PVT1: variants seen among roughly 807,000 people sequenced by gnomAD.
The protein encoded by PVT1 is CXCR4/PVT1 fusion.
chr8:127,984,893 CTTTCTTTCTTTCTTTCTTTCTT>C lies in PVT1; in HGVS notation n.783-4267_783-4246del, dbSNP rs1487505012. Among the ~76,000 whole-genome samples the C allele has an allele frequency of 4.1e-3, 416 of 100,334 alleles. 19 individuals are homozygous for C. Among genetic ancestry groups the C allele is most frequent in the Middle Eastern group, 0.027 (5 of 186 alleles). The allele number at this position is 100,334 out of a possible 152,430, so 65.8% of individuals were successfully genotyped here. A position where few individuals can be genotyped will look rare whatever the true frequency, so the allele number is the denominator to read the frequency against. On this transcript the variant is annotated intron_variant and non_coding_transcript_variant, in intron 3 of 10. Transcript: ENST00000651587. ...TCTTTCTTTCTTTCTTTCTTTCTTT[CTTTCTTTCTTTCTTTCTTTCTT>C]TCTTTCTCTTTCTCTTTCTTTCTTT...
At chr8:128,032,925 G>A (rs968928109) in intron 4 of PVT1, among the ~76,000 whole-genome samples, 15 of 152,226 alleles carry the variant, frequency 9.9e-5, no homozygotes, top group Non-Finnish European at 1.3e-4. Flanking sequence ...GCTGAGGCGA[G>A]TGACCTCACC....
chr8:127,864,152 GT>G (rs1203206187), intron 2 of PVT1, among the ~76,000 whole-genome samples: 3 of 152,180 alleles, frequency 2.0e-5, no homozygotes, highest in South Asian at 4.1e-4. Context: ...GTGGGGTGTG[GT>G]TTGCAGTGGG....
intron 5 of PVT1, chr8:128,082,994 A>G (rs1814206727): frequency 6.6e-6 from 1 of 152,220 alleles, no homozygotes; most frequent in East Asian, 1.9e-4. Context: ...AATTATTTCT[A>G]ATAGATATAC....
At chr8:128,076,114 T>G (rs931614509) in intron 5 of PVT1, among the ~76,000 whole-genome samples, 2 of 152,188 alleles carry the variant, frequency 1.3e-5, no homozygotes, top group African/African-American at 4.8e-5. Flanking sequence ...TGACCACCAC[T>G]CACTCTGTGT....
intron 2 of PVT1, among the ~76,000 whole-genome samples, chr8:127,880,389 A>G (rs1272025741): frequency 6.7e-6 from 1 of 148,318 alleles, no homozygotes; most frequent in Admixed American, 6.8e-5. Context: ...TTCCGGGTTC[A>G]CGCCATTCTC....
intron 3 of PVT1, among the ~76,000 whole-genome samples, chr8:127,984,837 TTTTC>T (rs71300287): frequency 0.044 from 3,515 of 80,232 alleles, 86 homozygotes; most frequent in East Asian, 0.059. Context: ...CTTTCTTTTC[TTTTC>T]TTTCTTTCTT....
chr8:128,006,134 A>AATG (rs1554603816), intron 4 of PVT1, among the ~76,000 whole-genome samples: 1 of 141,950 alleles, frequency 7.0e-6, no homozygotes, highest in South Asian at 2.3e-4. Flanking sequence ...TAATAATAAT[A>AATG]ATAATAATAA....
intron 2 of PVT1, among the ~76,000 whole-genome samples, chr8:127,816,523 T>A (rs1814661826): frequency 1.3e-5 from 2 of 151,500 alleles, no homozygotes; most frequent in African/African-American, 4.8e-5. Context: ...CTTTTTTTTT[T>A]CTTTTTTTTT....
chr8:127,881,431 T>C (rs559685869), intron 2 of PVT1, among the ~76,000 whole-genome samples: 2 of 129,822 alleles, frequency 1.5e-5, no homozygotes, highest in South Asian at 4.9e-4. Flanking sequence ...ATATTATTGT[T>C]ATTATATTAT....
intron 4 of PVT1, chr8:128,048,301 A>C (rs963750684): frequency 1.3e-5 from 2 of 152,220 alleles, no homozygotes; most frequent in Non-Finnish European, 2.9e-5. Context: ...TTCTTTCCAC[A>C]GTTTCCTTCT....
At chr8:127,992,329 T>C (rs1188690111) in intron 4 of PVT1, among the ~76,000 whole-genome samples, 1 of 152,202 alleles carries the variant, frequency 6.6e-6, no homozygotes, top group Non-Finnish European at 1.5e-5. Context: ...GAGTTGTAGT[T>C]AGCCAAGATT....
At chr8:127,967,264 G>C (rs1816713499) in intron 3 of PVT1, among the ~76,000 whole-genome samples, 1 of 152,088 alleles carries the variant, frequency 6.6e-6, no homozygotes, top group South Asian at 2.1e-4. Flanking sequence ...CCTGGAAGAT[G>C]AAGAATGAAC....
At chr8:127,851,517 G>A (rs1402470913) in intron 2 of PVT1, among the ~76,000 whole-genome samples, 2 of 152,132 alleles carry the variant, frequency 1.3e-5, no homozygotes, top group African/African-American at 4.8e-5. Flanking sequence ...AAAACACCCA[G>A]CCCAGAGCCT....
intron 4 of PVT1, among the ~76,000 whole-genome samples, chr8:128,058,088 T>G (rs6985998): frequency 0.047 from 7,128 of 152,076 alleles, 265 homozygotes; most frequent in African/African-American, 0.1. Flanking sequence ...ATGAATGGAG[T>G]TGGTTACCTG....
chr8:127,847,626 C>A (rs548650659), intron 2 of PVT1, among the ~76,000 whole-genome samples: 131 of 152,262 alleles, frequency 8.6e-4, no homozygotes, highest in Admixed American at 3.7e-3. Context: ...TTGTGCTAGG[C>A]AAGATGCGGA....
chr8:127,852,129 A>G (rs1335331508), intron 2 of PVT1: 1 of 152,162 alleles, frequency 6.6e-6, no homozygotes, highest in East Asian at 1.9e-4. Context: ...GAATTCCTGG[A>G]ACTGAGTCAC....
chr8:127,999,020 G>A (rs1817143307), intron 4 of PVT1: 1 of 152,170 alleles, frequency 6.6e-6, no homozygotes, highest in Non-Finnish European at 1.5e-5. Flanking sequence ...CCAAGATCTG[G>A]GTGCTAGATG....
At chr8:127,900,187 G>A (rs563390726) in intron 3 of PVT1, among the ~76,000 whole-genome samples, 157 of 152,008 alleles carry the variant, frequency 1.0e-3, no homozygotes, top group Non-Finnish European at 1.9e-3. Context: ...GACTGCAGGC[G>A]CGTACCACCA....
At chr8:128,004,245 T>C (rs1817220274) in intron 4 of PVT1, among the ~76,000 whole-genome samples, 1 of 152,262 alleles carries the variant, frequency 6.6e-6, no homozygotes, top group East Asian at 1.9e-4. Flanking sequence ...TCCCCTTGAC[T>C]CTTGTGAATT....
Sources: gnomAD v4.1 joint callset for allele counts (sites outside exome capture counted in the v4.1 genomes callset) on GRCh38, gnomAD v4.1.1 for gene constraint, MANE v1.5 for transcripts, NCBI Gene and HGNC (gene_info 2026-07-23, HGNC 2026-07-21) for gene names.